DDX21: variants seen among roughly 807,000 people sequenced by gnomAD.
DDX21 encodes DExD-box helicase 21.
In DDX21, 18 loss-of-function variants were observed where a neutral mutation model predicts 90.0. That is an observed-to-expected ratio of 0.20 (90% CI 0.14 to 0.30). The LOEUF is 0.30. DDX21 is among the 10% of genes least tolerant of loss of function. DDX21 has a pLI of 1.00. For synonymous variants in DDX21, 294 were observed against 318.0 expected, an observed-to-expected ratio of 0.92 and a Z score of 0.80; for missense variants, 673 against 944.5, an observed-to-expected ratio of 0.71 and a Z score of 3.77.
chr10:68,957,544 C>T (rs971025790), intron 1 of DDX21, among the ~76,000 whole-genome samples: 1 of 152,088 alleles, frequency 6.6e-6, no homozygotes, highest in Non-Finnish European at 1.5e-5. Flanking sequence ...TGTAGGAAGC[C>T]GCGGCAGATT....
At chr10:68,964,692 C>A (rs1184743444) in intron 4 of DDX21, among the ~76,000 whole-genome samples, 1 of 113,786 alleles carries the variant, frequency 8.8e-6, no homozygotes, top group Non-Finnish European at 1.7e-5. Flanking sequence ...GAGACAAAGT[C>A]TCGCTTTGTC....
At position 68,956,359 on chromosome 10, in the gene DDX21, A is replaced by G. The variant is rs746297181; in HGVS notation, c.87+47A>G. 4.3e-6 allele frequency: 7 copies of G among 1,610,448 alleles called. No homozygotes were observed. In the South Asian group the frequency reaches 7.7e-5, roughly 18 times the overall value. ...CCAGGAGGGACGCTGAATGGAGCGG[A>G]ACCCCGGGGTGCGGGAGAAGTGCCC... On this transcript the variant is annotated intron_variant, in intron 1 of 14. Transcript: ENST00000354185.
chr10:68,963,798 A>T (rs1040420033), intron 4 of DDX21, among the ~76,000 whole-genome samples: 2 of 152,062 alleles, frequency 1.3e-5, no homozygotes, highest in Admixed American at 6.6e-5. Context: ...TAGATGGAGA[A>T]AGCATTTTTG....
intron 1 of DDX21, among the ~76,000 whole-genome samples, chr10:68,958,631 A>T (rs1471592661): frequency 6.6e-6 from 1 of 151,720 alleles, no homozygotes; most frequent in Non-Finnish European, 1.5e-5. Flanking sequence ...TAGAGATGAG[A>T]TTTCACTGTG....
intron 1 of DDX21, among the ~76,000 whole-genome samples, chr10:68,957,208 A>G (rs1284754645): frequency 6.6e-6 from 1 of 152,192 alleles, no homozygotes; most frequent in African/African-American, 2.4e-5. Flanking sequence ...TTCAGTTATT[A>G]CGAAAATCTG....
rs1223135532 is a variant in DDX21, at chr10:68,981,551, T to C, written c.2052T>C (p.Asp684=). ...FLKGKLGVCF[D]VPTASVTEIQ... Reference sequence around the variant, plus strand: ...TTGATTTCTAGGGTGTTTGCTTTGATGTACCTACCGCATCAGTAACAGAAA... The same window carrying C: ...TTGATTTCTAGGGTGTTTGCTTTGACGTACCTACCGCATCAGTAACAGAAA... The change falls in exon 14 of 15, where the codon GAT becomes GAC. Residue 684 remains aspartate, a synonymous_variant. Transcript: ENST00000354185. 6.2e-7 allele frequency: 1 copy of C among 1,613,210 alleles called. No homozygotes were observed. Among genetic ancestry groups the C allele is most frequent in the Non-Finnish European group, 8.5e-7 (1 of 1,179,766 alleles).
At chr10:68,972,849 T>C (rs901829052) in intron 9 of DDX21, among the ~76,000 whole-genome samples, 43 of 152,152 alleles carry the variant, frequency 2.8e-4, no homozygotes, top group Non-Finnish European at 5.0e-4. Context: ...AAATATTGCA[T>C]TGGTACCCTG....
intron 5 of DDX21, among the ~76,000 whole-genome samples, chr10:68,966,767 C>T (rs915921738): frequency 6.6e-6 from 1 of 152,126 alleles, no homozygotes; most frequent in South Asian, 2.1e-4. Context: ...TCACTTTGTA[C>T]ACTAGACTGT....
intron 5 of DDX21, among the ~76,000 whole-genome samples, chr10:68,965,950 T>A (rs1194775248): frequency 6.6e-6 from 1 of 151,966 alleles, no homozygotes; most frequent in Non-Finnish European, 1.5e-5. Context: ...GCCTTGGAGC[T>A]TTATTATTAG....
intron 14 of DDX21, among the ~76,000 whole-genome samples, chr10:68,982,311 A>G (rs1843203211): frequency 6.6e-6 from 1 of 152,224 alleles, no homozygotes; most frequent in Admixed American, 6.5e-5. Flanking sequence ...AACTTAATAA[A>G]TGAAGTAGTG....
In DDX21 at chr10:68,969,057, A is replaced by T. The variant is rs755233931; in HGVS notation, c.1172A>T (p.Lys391Ile). The T allele has an allele frequency of 1.2e-6, 2 of 1,614,006 alleles. No homozygotes were observed. Among genetic ancestry groups the T allele is most frequent in the African/African-American group, 2.7e-5 (2 of 74,918 alleles). ...WVFNVAKKYM[K>I]STYEQVDLIG... ...TTTAATGTTGCCAAGAAATACATGA[A>T]ATCTACATATGAACAGGTGGACCTG... The change falls in exon 7 of 15, where the codon AAA becomes ATA. Residue 391 changes from lysine (K) to isoleucine (I), a missense_variant. By Grantham distance (102) the Lys-to-Ile change is moderately radical (BLOSUM62 -3). Coordinates refer to ENST00000354185, the MANE Select transcript of DDX21 (RefSeq NM_004728.4).
intron 6 of DDX21, among the ~76,000 whole-genome samples, chr10:68,968,246 T>G (rs1324920626): frequency 6.6e-6 from 1 of 151,396 alleles, no homozygotes; most frequent in East Asian, 1.9e-4. Context: ...CATAGCTCAC[T>G]GCATCCCTAA....
chr10:68,967,903 T>G (rs766706549), intron 6 of DDX21, among the ~76,000 whole-genome samples: 7 of 150,336 alleles, frequency 4.7e-5, no homozygotes, highest in Non-Finnish European at 8.9e-5. Flanking sequence ...TGTTTTTTGT[T>G]TTTTTTTTTG....
At chr10:68,975,115 A>ATTTTATTTTAAG (rs1282674644) in intron 11 of DDX21, among the ~76,000 whole-genome samples, 1 of 152,196 alleles carries the variant, frequency 6.6e-6, no homozygotes, top group African/African-American at 2.4e-5. Context: ...TGCTTTGTCT[A>ATTTTATTTTAAG]GGATATTTTA....
chr10:68,966,314 A>G (rs954380793), intron 5 of DDX21, among the ~76,000 whole-genome samples: 5 of 151,120 alleles, frequency 3.3e-5, no homozygotes, highest in Non-Finnish European at 5.9e-5. Flanking sequence ...TGACCTCATG[A>G]TCTGCCAGCC....
rs143777073 is a variant in DDX21 at position 68,960,430 on chromosome 10, A to G, written c.531+181A>G. Among the ~76,000 whole-genome samples, 43 of 152,282 alleles carry G rather than the reference A, an allele frequency of 2.8e-4. 1 individual carries two copies. The highest frequency in any genetic ancestry group is 3.4e-3 in the Middle Eastern group (1 of 294). ...CTTAAAAATTAGCATACGACAGGGC[A>G]TGGTGGCTCAGCTAAGAGTACTCTG... On this transcript the variant is annotated intron_variant, in intron 2 of 14. Transcript: ENST00000354185.
In DDX21 at chr10:68,968,957, T is replaced by C. The variant is rs759377362; in HGVS notation, c.1091-19T>C. 2.5e-5 allele frequency: 41 copies of C among 1,611,510 alleles called. No homozygotes were observed. The South Asian group carries it at 3.7e-4, about 15-fold the overall frequency. On this transcript the variant is annotated intron_variant, in intron 6 of 14. Coordinates refer to ENST00000354185, the MANE Select transcript of DDX21 (RefSeq NM_004728.4). Reference sequence around the variant, plus strand: ...GTTTGGATTATTCATACTGACTTTTTTTTTCCCCCTCCTCAAAGATTCTGA... The same window carrying C: ...GTTTGGATTATTCATACTGACTTTTCTTTTCCCCCTCCTCAAAGATTCTGA...
intron 2 of DDX21, 152 bp from the exon 3 acceptor site, chr10:68,961,930 A>C (rs1411291976): frequency 3.6e-6 from 2 of 560,022 alleles, no homozygotes; most frequent in Non-Finnish European, 6.2e-6. Flanking sequence ...CGAGTTACCT[A>C]TCAAGGTTTT....
intron 6 of DDX21, among the ~76,000 whole-genome samples, chr10:68,968,046 A>G (rs896236663): frequency 1.3e-5 from 2 of 151,934 alleles, no homozygotes; most frequent in Admixed American, 1.3e-4. Flanking sequence ...ATGCCCAGCT[A>G]ATTTTTCTGT....
Sources: allele counts gnomAD v4.1 joint callset (sites outside exome capture counted in the v4.1 genomes callset), GRCh38; gene constraint gnomAD v4.1.1; transcripts MANE v1.5; gene names NCBI Gene and HGNC (gene_info 2026-07-23, HGNC 2026-07-21).